The following RPS6KA5 variants were observed in gnomAD, a reference collection of about 807,000 sequenced individuals.
RPS6KA5 encodes ribosomal protein S6 kinase alpha-5.
A neutral mutation model predicts 85.5 loss-of-function variants in RPS6KA5; 27 were observed. That is an observed-to-expected ratio of 0.32 (90% CI 0.23 to 0.44). RPS6KA5 has a LOEUF of 0.44. RPS6KA5 is among the 20% of genes least tolerant of loss of function. The pLI is 1.00. For missense variants in RPS6KA5, 811 were observed against 980.9 expected (o/e 0.83, Z 2.31); for synonymous variants, 334 against 348.2 (o/e 0.96, Z 0.46).
chr14:90,913,257 G>A (rs2140269315), intron 7 of RPS6KA5, among the ~76,000 whole-genome samples: 1 of 152,038 alleles, frequency 6.6e-6, no homozygotes. Flanking sequence ...ACACTAACCA[G>A]GTCTCCTACT....
At chr14:90,965,418 A>G (rs924505911) in intron 3 of RPS6KA5, among the ~76,000 whole-genome samples, 2 of 152,170 alleles carry the variant, frequency 1.3e-5, no homozygotes, top group African/African-American at 4.8e-5. Flanking sequence ...ATTTTTGCCA[A>G]TCTGACATAC....
At chr14:90,978,855 G>A (rs539085042) in intron 2 of RPS6KA5, among the ~76,000 whole-genome samples, 2 of 151,928 alleles carry the variant, frequency 1.3e-5, no homozygotes, top group East Asian at 1.9e-4. Flanking sequence ...GAACAACCAG[G>A]ACATTTTAGA....
chr14:91,052,537 A>T, intron 1 of RPS6KA5: 1 of 207,764 alleles, frequency 4.8e-6, no homozygotes, highest in Non-Finnish European at 9.8e-6. Context: ...AATAGATAAG[A>T]TCTTTAGGCA....
chr14:91,001,047 T>C (rs376344042), intron 2 of RPS6KA5, 41 bp downstream of exon 2: 122 of 1,104,772 alleles, frequency 1.1e-4, no homozygotes, highest in Middle Eastern at 2.0e-4. Context: ...GAATAATAAG[T>C]ACTTTTTTTT....
chr14:90,894,620 G>C lies in RPS6KA5; in HGVS notation c.1474-37C>G, dbSNP rs986492941. 1.3e-5 allele frequency: 21 copies of C among 1,600,564 alleles called. No individual in the cohort carries two copies. In the Admixed American group the frequency reaches 2.4e-4, roughly 18 times the overall value. ...AAAGAATAACGTGGAGGGCCTTCCT[G>C]AAGCACAGAAGTCTATTAACATATA... On this transcript the variant is annotated intron_variant, in intron 12 of 16. Transcript: ENST00000614987.
chr14:90,977,193 T>C (rs2039605638), intron 3 of RPS6KA5, among the ~76,000 whole-genome samples: 1 of 152,206 alleles, frequency 6.6e-6, no homozygotes, highest in African/African-American at 2.4e-5. Context: ...TAGCTAATAC[T>C]TGCAAAGCAC....
chr14:90,948,578 C>T (rs906210118), intron 3 of RPS6KA5, among the ~76,000 whole-genome samples: 3 of 152,028 alleles, frequency 2.0e-5, no homozygotes, highest in African/African-American at 7.2e-5. Flanking sequence ...GCCTGTAGTC[C>T]CAGCTACTTG....
intron 3 of RPS6KA5, among the ~76,000 whole-genome samples, chr14:90,968,317 T>C (rs552117670): frequency 2.0e-5 from 3 of 152,134 alleles, no homozygotes; most frequent in Non-Finnish European, 4.4e-5. Context: ...CCTCTTCCTA[T>C]TGTGTAAGGA....
At chr14:91,033,195 AAAAAAAG>A (rs1221103529) in intron 1 of RPS6KA5, among the ~76,000 whole-genome samples, 3 of 150,910 alleles carry the variant, frequency 2.0e-5, no homozygotes, top group Non-Finnish European at 3.0e-5. Context: ...GTCTCAAAAA[AAAAAAAG>A]AAAAAAGAAA....
At chr14:91,041,564 G>T (rs1019775293) in intron 1 of RPS6KA5, among the ~76,000 whole-genome samples, 4 of 152,238 alleles carry the variant, frequency 2.6e-5, no homozygotes, top group Admixed American at 2.0e-4. Flanking sequence ...TGTCTACAGG[G>T]TCCAATTAGC....
At chr14:91,052,977 A>C (rs2043159108) in intron 1 of RPS6KA5, among the ~76,000 whole-genome samples, 1 of 152,196 alleles carries the variant, frequency 6.6e-6, no homozygotes, top group South Asian at 2.1e-4. Flanking sequence ...AATAAAATAC[A>C]AGCAAACTGA....
At chr14:91,024,513 A>G (rs1406564634) in intron 1 of RPS6KA5, among the ~76,000 whole-genome samples, 8 of 152,204 alleles carry the variant, frequency 5.3e-5, no homozygotes, top group Non-Finnish European at 8.8e-5. Flanking sequence ...TCTAAGTATA[A>G]AAAGTCACTA....
At position 90,908,191 on chromosome 14, in the gene RPS6KA5, A is replaced by C. The variant is rs189610711; in HGVS notation, c.807-1892T>G. Among the ~76,000 whole-genome samples the C allele has an allele frequency of 2.6e-5, 4 of 152,356 alleles. No homozygotes were observed. The East Asian group carries it at 7.7e-4, about 29-fold the overall frequency. ...TTCATCCTCAAAAGGAGGAGTACCC[A>C]AAAACAGAAATGGCTCTGCTGAGAT... On this transcript the variant is annotated intron_variant, in intron 7 of 16. Coordinates refer to ENST00000614987, the MANE Select transcript of RPS6KA5 (RefSeq NM_004755.4).
chr14:91,029,094 A>G (rs1050745666), intron 1 of RPS6KA5, among the ~76,000 whole-genome samples: 3 of 152,230 alleles, frequency 2.0e-5, no homozygotes, highest in African/African-American at 7.2e-5. Flanking sequence ...GTTGATAAAC[A>G]TAAACATTAA....
At chr14:91,007,855 C>T (rs2041093508) in intron 1 of RPS6KA5, among the ~76,000 whole-genome samples, 1 of 151,982 alleles carries the variant, frequency 6.6e-6, no homozygotes, top group South Asian at 2.1e-4. Context: ...TAAAATTATC[C>T]AGGTTCACTG....
At chr14:90,958,255 G>C (rs532424617) in intron 3 of RPS6KA5, among the ~76,000 whole-genome samples, 1 of 152,236 alleles carries the variant, frequency 6.6e-6, no homozygotes, top group South Asian at 2.1e-4. Context: ...AAAAAAGTCT[G>C]CTTGGATTTT....
intron 1 of RPS6KA5, among the ~76,000 whole-genome samples, chr14:91,003,262 C>T (rs1176397025): frequency 6.6e-6 from 1 of 151,582 alleles, no homozygotes; most frequent in Non-Finnish European, 1.5e-5. Flanking sequence ...TTTATATTTG[C>T]TTTATATTTA....
rs1158895743 is a variant in RPS6KA5, at chr14:90,949,706, T to A, written c.395-2156A>T. ...CTGAACTAGACAATGGCTCCACAGC[T>A]GTCCTTCCTTAAGCAAATTAAGTCT... On this transcript the variant is annotated intron_variant, in intron 3 of 16. Coordinates refer to ENST00000614987, the MANE Select transcript of RPS6KA5 (RefSeq NM_004755.4). Among the ~76,000 whole-genome samples, 3 of 152,022 alleles carry A rather than the reference T, an allele frequency of 2.0e-5. No homozygotes were observed. The East Asian group carries it at 5.8e-4, about 29-fold the overall frequency.
At chr14:90,989,578 C>A (rs1003939736) in intron 2 of RPS6KA5, among the ~76,000 whole-genome samples, 1 of 152,018 alleles carries the variant, frequency 6.6e-6, no homozygotes, top group African/African-American at 2.4e-5. Flanking sequence ...TAATGCACAC[C>A]CACAGGTACA....
Sources: gnomAD v4.1 joint callset for allele counts (sites outside exome capture counted in the v4.1 genomes callset) on GRCh38, gnomAD v4.1.1 for gene constraint, MANE v1.5 for transcripts, NCBI Gene and HGNC (gene_info 2026-07-23, HGNC 2026-07-21) for gene names.